Variants in TARBP1 observed in about 807,000 individuals in gnomAD.
TARBP1 encodes tRNA (guanosine(18)-2'-O)-methyltransferase TARBP1.
A neutral mutation model predicts 178.6 loss-of-function variants in TARBP1; 144 were observed. That is an observed-to-expected ratio of 0.81 (90% CI 0.70 to 0.93). The LOEUF is 0.93. Ranked by LOEUF, TARBP1 falls within the 40% of genes least tolerant of loss-of-function variation. The pLI is 0.00. For missense variants in TARBP1, 2,067 were observed against 2,011.7 expected (o/e 1.03, Z -0.53); for synonymous variants, 787 against 781.0 (o/e 1.01, Z -0.13).
At chr1:234,451,988 C>G (rs560139125) in intron 9 of TARBP1, among the ~76,000 whole-genome samples, 1 of 152,140 alleles carries the variant, frequency 6.6e-6, no homozygotes. Flanking sequence ...GACTGCGTTG[C>G]CTAATTATTG....
chr1:234,417,606 G>A (rs184065916), intron 22 of TARBP1, among the ~76,000 whole-genome samples: 3 of 152,166 alleles, frequency 2.0e-5, no homozygotes, highest in Admixed American at 2.0e-4. Flanking sequence ...TTCAATATAT[G>A]AGAAAAGTTG....
At chr1:234,441,777 G>A (rs981227850) in intron 12 of TARBP1, among the ~76,000 whole-genome samples, 40 of 152,034 alleles carry the variant, frequency 2.6e-4, no homozygotes, top group African/African-American at 7.0e-4. Flanking sequence ...TGCCTATTCC[G>A]GACATTTCAT....
At chr1:234,399,834 A>G (rs1295739812) in intron 25 of TARBP1, among the ~76,000 whole-genome samples, 1 of 138,632 alleles carries the variant, frequency 7.2e-6, no homozygotes, top group Non-Finnish European at 1.5e-5. Context: ...AAACTGAACA[A>G]TGAGAACACA....
chr1:234,393,275 ACTT>A, intron 28 of TARBP1, 84 bp downstream of exon 28: 1 of 1,297,692 alleles, frequency 7.7e-7, no homozygotes, highest in South Asian at 2.9e-5. Context: ...ACAAATACAA[ACTT>A]TTTTTTAAAC....
intron 13 of TARBP1, among the ~76,000 whole-genome samples, chr1:234,435,797 C>G (rs1664966829): frequency 6.6e-6 from 1 of 152,138 alleles, no homozygotes; most frequent in Non-Finnish European, 1.5e-5. Context: ...AGCAGCAGAC[C>G]CAGCCAGCAT....
In TARBP1 at chr1:234,478,253, G is replaced by A; in HGVS notation, c.851C>T (p.Ala284Val). ...GQADALTRKR[A>V]RYLLQRAVEV... ...CACCGCCCTCTGCAGCAGGTAGCGC[G>A]CTCGCTTGCGCGTCAGGGCGTCCGC... The change falls in exon 1 of 30, where the codon GCG becomes GTG. Residue 284 changes from alanine to valine, a missense_variant. By Grantham distance (64) the Ala-to-Val change is moderately conservative (BLOSUM62 0). Coordinates refer to ENST00000040877, the MANE Select transcript of TARBP1 (RefSeq NM_005646.4). 1 of 1,607,318 alleles carries A rather than the reference G, an allele frequency of 6.2e-7. No individual in the cohort carries two copies. Among genetic ancestry groups the A allele is most frequent in the African/African-American group, 1.3e-5 (1 of 74,894 alleles).
At chr1:234,407,362 G>T (rs1572228877) in intron 23 of TARBP1, 1 of 128,772 alleles carries the variant, frequency 7.8e-6, no homozygotes, top group African/African-American at 3.2e-5. Context: ...TTTTGAGATG[G>T]AGTCTCACTC....
At position 234,437,289 on chromosome 1, in the gene TARBP1, T is replaced by C; in HGVS notation, c.2218A>G (p.Asn740Asp). 1 of 1,555,220 alleles carries C rather than the reference T, an allele frequency of 6.4e-7. No individual in the cohort carries two copies. The highest frequency in any genetic ancestry group is 8.8e-7 in the Non-Finnish European group (1 of 1,139,392). ...TGAATACTTACACTATTTAGCTCATTCATAGTAAGTCTTCTGAGAATAAAT... is the reference window on the plus strand; with the variant it reads ...TGAATACTTACACTATTTAGCTCATCCATAGTAAGTCTTCTGAGAATAAAT... ...SEFILRRLTM[N>D]ELNSVSDLDR... is the part of the protein sequence containing the mutation. The change falls in exon 13 of 30, where the codon AAT (asparagine) becomes GAT (aspartate). Residue 740 changes from asparagine (N) to aspartate (D), a missense_variant. Physicochemically the swap from Asn to Asp is conservative, Grantham distance 23. Coordinates refer to ENST00000040877, the MANE Select transcript of TARBP1 (RefSeq NM_005646.4).
chr1:234,401,354 A>G (rs1660663309), intron 24 of TARBP1, 92 bp from the exon 25 acceptor site: 1 of 938,462 alleles, frequency 1.1e-6, no homozygotes. Flanking sequence ...GTGGCTGCAG[A>G]GTTGAGAAGG....
chr1:234,448,686 A>G, intron 10 of TARBP1, 107 bp from the exon 11 acceptor site: 1 of 815,436 alleles, frequency 1.2e-6, no homozygotes, highest in Non-Finnish European at 2.0e-6. Flanking sequence ...TTAAATTATG[A>G]GAGAAATACA....
rs762852515 is a variant in TARBP1 at position 234,425,665 on chromosome 1, A to G, written c.3444+8T>C. Reference sequence around the variant, plus strand: ...AAACAAAGATAATTTAAAGTAAAATACACTTACTTTATCTAATAGCTTGAT... The same window carrying G: ...AAACAAAGATAATTTAAAGTAAAATGCACTTACTTTATCTAATAGCTTGAT... On this transcript the variant is annotated splice_region_variant and intron_variant, in intron 20 of 29. Transcript: ENST00000040877. 7.5e-5 allele frequency: 120 copies of G among 1,608,946 alleles called. No individual in the cohort carries two copies. In the Middle Eastern group the frequency reaches 1.0e-3, roughly 14 times the overall value.
intron 12 of TARBP1, among the ~76,000 whole-genome samples, chr1:234,443,763 A>G (rs1665848280): frequency 1.3e-5 from 2 of 152,362 alleles, no homozygotes; most frequent in East Asian, 3.9e-4. Flanking sequence ...ACAGAATATT[A>G]TTTGGCCTTT....
intron 13 of TARBP1, among the ~76,000 whole-genome samples, chr1:234,434,723 G>C (rs907071230): frequency 4.0e-5 from 6 of 151,722 alleles, no homozygotes; most frequent in Non-Finnish European, 8.9e-5. Flanking sequence ...ACTGAAGCTG[G>C]GGATGTAGAT....
At chr1:234,396,710 C>T (rs1037028577) in intron 26 of TARBP1, among the ~76,000 whole-genome samples, 1 of 152,066 alleles carries the variant, frequency 6.6e-6, no homozygotes, top group Non-Finnish European at 1.5e-5. Context: ...CCAGAACTCT[C>T]CTCCAGAGAT....
chr1:234,429,343 AT>A lies in TARBP1; in HGVS notation c.2872-20del. On this transcript the variant is annotated intron_variant, in intron 16 of 29. Coordinates refer to ENST00000040877, the MANE Select transcript of TARBP1 (RefSeq NM_005646.4). ...TCAGAAGCTGGTAGGAAAAAAAAAA[AT>A]ACATACTTATTTCAAAAACTTGATC... The A allele has an allele frequency of 6.4e-7, 1 of 1,566,664 alleles. No homozygotes were observed. Among genetic ancestry groups the A allele is most frequent in the South Asian group, 1.2e-5 (1 of 82,720 alleles).
intron 24 of TARBP1, among the ~76,000 whole-genome samples, chr1:234,402,263 T>C (rs1163857416): frequency 6.6e-6 from 1 of 152,206 alleles, no homozygotes; most frequent in Non-Finnish European, 1.5e-5. Context: ...TTCGATGCCT[T>C]TCTGCACTGT....
At position 234,467,412 on chromosome 1, in the gene TARBP1, A is replaced by G. The variant is rs1451252461; in HGVS notation, c.1248+90T>C. The G allele has an allele frequency of 7.1e-6, 9 of 1,267,736 alleles. No homozygotes were observed. The African/African-American group carries it at 1.4e-4, about 20-fold the overall frequency. 78.5% of individuals were successfully genotyped at this position (1,267,736 alleles called of 1,614,324 possible). On this transcript the variant is annotated intron_variant, in intron 4 of 29. Transcript: ENST00000040877. ...TATGATTTGTTGGATGCAAATCTCC[A>G]AAATGTTACTTGCTGATACAGAATC...
At position 234,430,310 on chromosome 1, in the gene TARBP1, G is replaced by A. The variant is rs773386800; in HGVS notation, c.2395-9C>T. 4.3e-6 allele frequency: 7 copies of A among 1,610,988 alleles called. No individual in the cohort carries two copies. The East Asian group carries it at 1.6e-4, about 36-fold the overall frequency. On this transcript the variant is annotated splice_polypyrimidine_tract_variant and intron_variant, in intron 14 of 29. Transcript: ENST00000040877. ...CTTCCAACTGTTGGCTCCTGAAAAG[G>A]AAATGTGACAATGTTTTATTTAATA... is the stretch of plus-strand genomic sequence containing the variant.
chr1:234,420,855 G>T, intron 20 of TARBP1, 43 bp from the exon 21 acceptor site: 2 of 1,180,464 alleles, frequency 1.7e-6, no homozygotes, highest in South Asian at 2.7e-5. Flanking sequence ...ATTATCTATT[G>T]AATTTGTGAT....
Sources: allele counts gnomAD v4.1 joint callset (sites outside exome capture counted in the v4.1 genomes callset), GRCh38; gene constraint gnomAD v4.1.1; transcripts MANE v1.5; gene names NCBI Gene and HGNC (gene_info 2026-07-23, HGNC 2026-07-21).